The following PCDHGB2 variants were observed in gnomAD, a reference collection of about 807,000 sequenced individuals.
The protein encoded by PCDHGB2 is protocadherin gamma-B2.
PCDHGB2 carries 55 observed loss-of-function variants against 59.3 expected under a neutral mutation model. That is an observed-to-expected ratio of 0.93 (90% CI 0.75 to 1.16). The LOEUF (loss-of-function observed/expected upper bound fraction) is 1.16, where lower values mean the gene tolerates loss of function less well. Among genes scored for constraint, PCDHGB2 ranks in the 50% most tolerant of loss-of-function variants. The pLI, the probability that PCDHGB2 is intolerant of heterozygous loss-of-function variation, is 0.00. For missense variants in PCDHGB2, 1,228 were observed against 1,198.5 expected, an observed-to-expected ratio of 1.02 and a Z score of -0.36; for synonymous variants, 516 against 512.0, an observed-to-expected ratio of 1.01 and a Z score of -0.11.
chr5:141,477,063 A>G lies in PCDHGB2; in HGVS notation c.2422-17744A>G, dbSNP rs2099404387. 6.2e-7 allele frequency: 1 copy of G among 1,614,248 alleles called. No individual in the cohort carries two copies. On this transcript the variant is annotated intron_variant, in intron 1 of 3. Coordinates refer to ENST00000522605, the MANE Select transcript of PCDHGB2 (RefSeq NM_018923.3). The surrounding 1 kb of genome is among the most constrained non-coding windows in gnomAD (Gnocchi z 4.9). Reference sequence around the variant, plus strand: ...GGTCGGCTGGACTTCGAGGACACCAAACTCCATGAGATTTACATCCAGGCC... The same window carrying G: ...GGTCGGCTGGACTTCGAGGACACCAGACTCCATGAGATTTACATCCAGGCC...
At chr5:141,422,473 G>A (rs2096650443) in intron 1 of PCDHGB2, 7 of 1,613,740 alleles carry the variant, frequency 4.3e-6, no homozygotes, top group Non-Finnish European at 5.1e-6. Context: ...CAGGGAGTTG[G>A]TCCAGAGCTA....
chr5:141,393,464 C>T (rs1264655164), intron 1 of PCDHGB2: 10 of 1,613,912 alleles, frequency 6.2e-6, no homozygotes, highest in African/African-American at 2.7e-5. Context: ...CCTCGGATGG[C>T]GGCAAGCCGC....
intron 1 of PCDHGB2, chr5:141,433,358 C>CCTATCTATCTATCTATCTATCTAT: frequency 9.9e-6 from 5 of 503,368 alleles, no homozygotes; most frequent in South Asian, 2.6e-5. Flanking sequence ...CTACTGTCTG[C>CCTATCTATCTATCTATCTATCTAT]CTATCTATCT....
chr5:141,371,897 G>A, intron 1 of PCDHGB2: 1 of 1,613,408 alleles, frequency 6.2e-7, no homozygotes, highest in Non-Finnish European at 8.5e-7. Flanking sequence ...CGCGGGAGCT[G>A]TCGTCCTACG....
chr5:141,431,435 GC>G lies in PCDHGB2; in HGVS notation c.2422-63371del. On this transcript the variant is annotated intron_variant, in intron 1 of 3. Coordinates refer to ENST00000522605, the MANE Select transcript of PCDHGB2 (RefSeq NM_018923.3). The surrounding 1 kb of genome is among the most constrained non-coding windows in gnomAD (Gnocchi z 4.8). The stretch of plus-strand genomic sequence containing the variant: ...GGGCGACCCGGTGCGCACAGGCACC[GC>G]GCGCATCCGCGTGATGGTTCTGGAT... 1.9e-6 allele frequency: 3 copies of G among 1,613,668 alleles called. No individual in the cohort carries two copies. The highest frequency in any genetic ancestry group is 2.5e-6 in the Non-Finnish European group (3 of 1,180,026).
intron 1 of PCDHGB2, chr5:141,426,560 G>A (rs1358683534): frequency 5.7e-6 from 2 of 352,756 alleles, no homozygotes; most frequent in South Asian, 2.1e-5. Flanking sequence ...AGAATAGATC[G>A]AGAGTCACTG....
chr5:141,460,951 G>GTA (rs200454978), intron 1 of PCDHGB2, among the ~76,000 whole-genome samples: 2,366 of 139,742 alleles, frequency 0.017, 20 homozygotes, highest in Middle Eastern at 0.037. Flanking sequence ...TATGTATTAT[G>GTA]TATATATATA....
chr5:141,364,438 G>A, intron 1 of PCDHGB2: 1 of 1,613,820 alleles, frequency 6.2e-7, no homozygotes, highest in Non-Finnish European at 8.5e-7. Context: ...ACTCGATGCC[G>A]GAGGAGCTGG....
At position 141,489,074 on chromosome 5, in the gene PCDHGB2, C is replaced by A; in HGVS notation, c.2422-5733C>A. On this transcript the variant is annotated intron_variant, in intron 1 of 3. Coordinates refer to ENST00000522605, the MANE Select transcript of PCDHGB2 (RefSeq NM_018923.3). The surrounding 1 kb of genome is among the most constrained non-coding windows in gnomAD (Gnocchi z 4.5). ...TTCAGCTCCCCTCCCCCCTGCCCAC[C>A]CCCGCCACTCGGTGACTAAGAACTG... 9.4e-6 allele frequency: 3 copies of A among 320,798 alleles called. No individual in the cohort carries two copies. The highest frequency in any genetic ancestry group is 1.7e-5 in the Non-Finnish European group (3 of 177,744). 19.9% of individuals were successfully genotyped at this position (320,798 alleles called of 1,614,324 possible). A position where few individuals can be genotyped will look rare whatever the true frequency, so the allele number is the denominator to read the frequency against.
chr5:141,437,262 G>A (rs1490690532), intron 1 of PCDHGB2, among the ~76,000 whole-genome samples: 1 of 152,152 alleles, frequency 6.6e-6, no homozygotes, highest in Non-Finnish European at 1.5e-5. Flanking sequence ...CTTTTTATGT[G>A]TATGACAGAT....
chr5:141,365,483 T>G, intron 1 of PCDHGB2: 1 of 1,614,018 alleles, frequency 6.2e-7, no homozygotes, highest in Non-Finnish European at 8.5e-7. Context: ...GATTGCATGC[T>G]CTATTCCTAG....
At chr5:141,450,888 G>C (rs1038570371) in intron 1 of PCDHGB2, among the ~76,000 whole-genome samples, 27 of 145,380 alleles carry the variant, frequency 1.9e-4, no homozygotes, top group Non-Finnish European at 3.9e-4. Flanking sequence ...GCAGTGGTGC[G>C]ATATCGGCTC....
chr5:141,482,363 G>C (rs2099556985), intron 1 of PCDHGB2, among the ~76,000 whole-genome samples: 1 of 152,086 alleles, frequency 6.6e-6, no homozygotes, highest in African/African-American at 2.4e-5. Flanking sequence ...AGAGTGAAAA[G>C]TAATGCATAT....
chr5:141,501,290 T>C lies in PCDHGB2; in HGVS notation c.2481-4103T>C, dbSNP rs796726601. Among the ~76,000 whole-genome samples, 19 of 136,248 alleles carry C rather than the reference T, an allele frequency of 1.4e-4. No individual in the cohort carries two copies. The South Asian group carries it at 2.4e-3, about 17-fold the overall frequency. 89.4% of individuals were successfully genotyped at this position (136,248 alleles called of 152,430 possible). ...GTCCAGTCTATGGGATATTCCCTTA[T>C]ACACACACACACACACACACACACA... On this transcript the variant is annotated intron_variant, in intron 2 of 3. Coordinates refer to ENST00000522605, the MANE Select transcript of PCDHGB2 (RefSeq NM_018923.3).
chr5:141,384,609 T>C (rs967686346), intron 1 of PCDHGB2: 1 of 1,614,148 alleles, frequency 6.2e-7, no homozygotes, highest in South Asian at 1.1e-5. Context: ...TCCCCACAGA[T>C]GGTTCTACTG....
intron 1 of PCDHGB2, chr5:141,388,948 T>C (rs751779962): frequency 7.4e-6 from 12 of 1,613,904 alleles, no homozygotes; most frequent in Admixed American, 1.7e-5. Context: ...AACCTAATTA[T>C]GGAGGACGCC....
intron 1 of PCDHGB2, among the ~76,000 whole-genome samples, chr5:141,462,192 T>C (rs1323806836): frequency 6.6e-6 from 1 of 152,198 alleles, no homozygotes; most frequent in Non-Finnish European, 1.5e-5. Context: ...ACTCCTGACC[T>C]CAGGTGATCC....
intron 1 of PCDHGB2, chr5:141,403,870 T>A: frequency 6.2e-7 from 1 of 1,613,498 alleles, no homozygotes; most frequent in African/African-American, 1.3e-5. Flanking sequence ...CAGCAAAAAG[T>A]CTAGATTATG....
At position 141,422,706 on chromosome 5, in the gene PCDHGB2, G is replaced by A. The variant is rs758922274; in HGVS notation, c.2421+60150G>A. On this transcript the variant is annotated intron_variant, in intron 1 of 3. Transcript: ENST00000522605. ...ATGCCCTGGTCACTTACTCTCTGAC[G>A]GATGACACTGTCCAGGGGGTGCCTC... The A allele has an allele frequency of 8.1e-6, 13 of 1,602,906 alleles. No homozygotes were observed. In the South Asian group the frequency reaches 1.5e-4, roughly 18 times the overall value.
Sources: gnomAD v4.1 joint callset for allele counts (sites outside exome capture counted in the v4.1 genomes callset) on GRCh38, gnomAD v4.1.1 for gene constraint, Gnocchi (gnomAD v3.1) non-coding constraint, MANE v1.5 for transcripts, NCBI Gene and HGNC (gene_info 2026-07-23, HGNC 2026-07-21) for gene names.